Variants in VPS35 observed in about 807,000 individuals in gnomAD.
The protein encoded by VPS35 is vacuolar protein sorting-associated protein 35.
Under a neutral mutation model 98.1 loss-of-function variants are expected in VPS35, and 21 were observed. That is an observed-to-expected ratio of 0.21 (90% CI 0.15 to 0.31). The LOEUF (loss-of-function observed/expected upper bound fraction) is 0.31. VPS35 is among the 10% of genes least tolerant of loss of function. VPS35 has a pLI of 1.00. For synonymous variants in VPS35, 268 were observed against 318.2 expected, an observed-to-expected ratio of 0.84 and a Z score of 1.68; for missense variants, 554 against 950.8, an observed-to-expected ratio of 0.58 and a Z score of 5.49.
In VPS35 at chr16:46,663,002, G is replaced by A; in HGVS notation, c.1808C>T (p.Ala603Val). 1 of 1,614,176 alleles carries A rather than the reference G, an allele frequency of 6.2e-7. No individual in the cohort carries two copies. The change falls in exon 14 of 17, where the codon GCA becomes GTA. Residue 603 changes from alanine to valine, a missense_variant. Ala to Val is a moderately conservative substitution (Grantham distance 64). Coordinates refer to ENST00000299138, the MANE Select transcript of VPS35 (RefSeq NM_018206.6). ...EIGFENHETVAYEFMSQAFSL... is the reference protein window; with the variant it reads ...EIGFENHETVVYEFMSQAFSL... ...CATCACCTGGGACATGAATTCATAT[G>A]CGACTGTCTCATGATTTTCAAAACC... is the stretch of plus-strand genomic sequence containing the variant.
intron 2 of VPS35, 35 bp from the exon 3 acceptor site, chr16:46,682,210 T>G: frequency 6.9e-7 from 1 of 1,448,158 alleles, no homozygotes; most frequent in East Asian, 2.3e-5. Context: ...TGAGAATGCT[T>G]AATTTAAATA....
chr16:46,685,534 T>C (rs1166911811), intron 1 of VPS35, among the ~76,000 whole-genome samples: 9 of 152,262 alleles, frequency 5.9e-5, no homozygotes, highest in African/African-American at 2.2e-4. Flanking sequence ...CACAAACAAA[T>C]TTCAAAGAAG....
intron 11 of VPS35, 141 bp from the exon 12 acceptor site, chr16:46,672,001 T>C: frequency 1.7e-6 from 2 of 1,178,492 alleles, no homozygotes; most frequent in Non-Finnish European, 2.4e-6. Context: ...TCGATACACA[T>C]GTATGTCATA....
chr16:46,664,541 GAA>G (rs751556976), intron 13 of VPS35, among the ~76,000 whole-genome samples: 38 of 146,736 alleles, frequency 2.6e-4, no homozygotes, highest in Admixed American at 8.2e-4. Context: ...TTTTTTTTGA[GAA>G]GTAGTTTCCC....
chr16:46,685,842 T>C (rs1966301833), intron 1 of VPS35, among the ~76,000 whole-genome samples: 1 of 152,110 alleles, frequency 6.6e-6, no homozygotes, highest in Admixed American at 6.5e-5. Context: ...ACATCTGAAT[T>C]TTTTTTATTT....
chr16:46,664,751 C>T (rs1479699039), intron 13 of VPS35, among the ~76,000 whole-genome samples: 1 of 151,878 alleles, frequency 6.6e-6, no homozygotes, highest in African/African-American at 2.4e-5. Context: ...AAACTCCCGA[C>T]CTCAGGTGAT....
intron 16 of VPS35, 57 bp from the exon 17 acceptor site, chr16:46,660,708 C>G (rs1314059530): frequency 7.1e-7 from 1 of 1,411,448 alleles, no homozygotes; most frequent in East Asian, 2.7e-5. Flanking sequence ...AAATGAAAGG[C>G]AATTTAATAA....
Position 46,661,723 on chromosome 16 carries a change from C to A in VPS35, c.2206G>T (p.Asp736Tyr). ...RYIYFYEKEN[D>Y]AVTIQVLNQL... Reference sequence around the variant, plus strand: ...CACTTTACTAATTCACTTACCGCATCATTTTCCTTTTCATAAAAATAGATA... The same window carrying A: ...CACTTTACTAATTCACTTACCGCATAATTTTCCTTTTCATAAAAATAGATA... The change falls in exon 16 of 17, where the codon GAT becomes TAT. Residue 736 changes from aspartate to tyrosine, a missense_variant. By Grantham distance (160) the Asp-to-Tyr change is radical. Coordinates refer to ENST00000299138, the MANE Select transcript of VPS35 (RefSeq NM_018206.6). This position sits in a 1 kb window ranked among gnomAD's most constrained non-coding sequence, Gnocchi z 4.3. 6.2e-7 allele frequency: 1 copy of A among 1,607,566 alleles called. No homozygotes were observed. The highest frequency in any genetic ancestry group is 1.1e-5 in the South Asian group (1 of 90,900).
chr16:46,668,626 T>C (rs963459416), intron 13 of VPS35, among the ~76,000 whole-genome samples: 1 of 152,208 alleles, frequency 6.6e-6, no homozygotes, highest in African/African-American at 2.4e-5. Flanking sequence ...GGCCCTCTCC[T>C]TAGGTTTTAA....
intron 1 of VPS35, chr16:46,688,705 A>C: frequency 8.9e-7 from 1 of 1,125,178 alleles, no homozygotes; most frequent in Non-Finnish European, 1.1e-6. Context: ...GCACAAAGGT[A>C]GAAACGCAAC....
Position 46,681,435 on chromosome 16 carries a change from T to C in VPS35, c.265A>G (p.Arg89Gly). The change falls in exon 4 of 17, where the codon AGG becomes GGG. Residue 89 changes from arginine to glycine, a missense_variant. Coordinates refer to ENST00000299138, the MANE Select transcript of VPS35 (RefSeq NM_018206.6). Reference sequence around the variant, plus strand: ...AGTTCGTAGAGATCTGCCACTTTCCTTCCTTTAGCAAACTCATCTGTCAGG... The same window carrying C: ...AGTTCGTAGAGATCTGCCACTTTCCCTCCTTTAGCAAACTCATCTGTCAGG... Reference protein sequence around the residue: ...VYLTDEFAKGRKVADLYELVQ... With the variant: ...VYLTDEFAKGGKVADLYELVQ... 1 of 1,613,778 alleles carries C rather than the reference T, an allele frequency of 6.2e-7. No individual in the cohort carries two copies. Among genetic ancestry groups the C allele is most frequent in the Non-Finnish European group, 8.5e-7 (1 of 1,179,774 alleles).
At chr16:46,682,809 C>T (rs1023463178) in intron 2 of VPS35, 3 of 154,532 alleles carry the variant, frequency 1.9e-5, no homozygotes, top group Non-Finnish European at 4.3e-5. Flanking sequence ...GAGCATATTA[C>T]TATGCTTTAG....
intron 1 of VPS35, chr16:46,688,800 T>TCC (rs1966368290): frequency 7.5e-7 from 1 of 1,340,844 alleles, no homozygotes. Context: ...GGACTACCGG[T>TCC]CCCCTCGTGG....
intron 5 of VPS35, 152 bp from the exon 6 acceptor site, chr16:46,679,308 A>T: frequency 1.3e-6 from 1 of 764,218 alleles, no homozygotes; most frequent in Non-Finnish European, 2.1e-6. Flanking sequence ...TAAATTTCAA[A>T]GGGAACAGAC....
In VPS35 at chr16:46,661,990, C is replaced by A; in HGVS notation, c.2068-129G>T. Reference sequence around the variant, plus strand: ...ATAACAAATTTAAATCCTTTTCATTCTCCTTCTTCTTGTTTTGAAGTATAC... The same window carrying A: ...ATAACAAATTTAAATCCTTTTCATTATCCTTCTTCTTGTTTTGAAGTATAC... On this transcript the variant is annotated intron_variant, in intron 15 of 16. Coordinates refer to ENST00000299138, the MANE Select transcript of VPS35 (RefSeq NM_018206.6). The surrounding 1 kb of genome is among the most constrained non-coding windows in gnomAD (Gnocchi z 4.3). 1.4e-6 allele frequency: 2 copies of A among 1,395,634 alleles called. No individual in the cohort carries two copies. Among genetic ancestry groups the A allele is most frequent in the African/African-American group, 1.4e-5 (1 of 69,416 alleles). The allele number at this position is 1,395,634 out of a possible 1,614,324, so 86.5% of individuals were successfully genotyped here. A position where few individuals can be genotyped will look rare whatever the true frequency, so the allele number is the denominator to read the frequency against.
chr16:46,688,805 T>C, intron 1 of VPS35: 1 of 1,348,754 alleles, frequency 7.4e-7, no homozygotes, highest in Non-Finnish European at 9.6e-7. Flanking sequence ...ACCGGTCCCC[T>C]CGTGGTAGGC....
At chr16:46,685,279 T>C (rs1376727915) in intron 1 of VPS35, among the ~76,000 whole-genome samples, 9 of 152,218 alleles carry the variant, frequency 5.9e-5, no homozygotes. Context: ...AAGTAAAATC[T>C]GGTCTGTTTC....
Position 46,689,167 on chromosome 16 carries a change from C to CA in VPS35, c.-35_-34insT, listed in dbSNP as rs772743562. On this transcript the variant is annotated 5_prime_UTR_variant, in exon 1 of 17. Coordinates refer to ENST00000299138, the MANE Select transcript of VPS35 (RefSeq NM_018206.6). Reference sequence around the variant, plus strand: ...CCCAGAGCCTGCAGCAAGCAGCACCCGCCCCGCGCGTAGCCTCCCGCGGTC... The same window carrying CA: ...CCCAGAGCCTGCAGCAAGCAGCACCCAGCCCCGCGCGTAGCCTCCCGCGGTC... 17 of 1,603,428 alleles carry CA rather than the reference C, an allele frequency of 1.1e-5. No homozygotes were observed. Among genetic ancestry groups the CA allele is most frequent in the African/African-American group, 2.7e-5 (2 of 74,814 alleles).
At position 46,685,805 on chromosome 16, in the gene VPS35, T is replaced by C. The variant is rs558657990; in HGVS notation, c.4-2199A>G. Among the ~76,000 whole-genome samples the C allele has an allele frequency of 6.4e-4, 98 of 152,326 alleles. 1 individual carries two copies. Among genetic ancestry groups the C allele is most frequent in the South Asian group, 5.0e-3 (24 of 4,834 alleles). ...AATCAATGGATTTCATTAAGTTCAA[T>C]TGATCCATTTAGAGATAAACAGTGA... is the stretch of plus-strand genomic sequence containing the variant. On this transcript the variant is annotated intron_variant, in intron 1 of 16. Coordinates refer to ENST00000299138, the MANE Select transcript of VPS35 (RefSeq NM_018206.6).
Sources: allele counts gnomAD v4.1 joint callset (sites outside exome capture counted in the v4.1 genomes callset), GRCh38; gene constraint gnomAD v4.1.1; non-coding constraint Gnocchi (gnomAD v3.1); transcripts MANE v1.5; gene names NCBI Gene and HGNC (gene_info 2026-07-23, HGNC 2026-07-21).